Variants in CDCP1 observed in about 807,000 individuals in gnomAD.
The protein encoded by CDCP1 is CUB domain-containing protein 1.
Under a neutral mutation model 60.2 loss-of-function variants are expected in CDCP1, and 29 were observed. That is an observed-to-expected ratio of 0.48 (90% CI 0.36 to 0.66). The LOEUF is 0.66. Among genes scored for constraint, CDCP1 ranks in the 30% least tolerant of loss-of-function variants. CDCP1 has a pLI of 0.00. For missense variants in CDCP1, 876 were observed against 1,074.3 expected (o/e 0.82, Z 2.58); for synonymous variants, 387 against 431.1 (o/e 0.90, Z 1.27).
intron 1 of CDCP1, among the ~76,000 whole-genome samples, chr3:45,130,973 C>A (rs1699082121): frequency 6.6e-6 from 1 of 152,102 alleles, no homozygotes; most frequent in African/African-American, 2.4e-5. Flanking sequence ...CTCACGCAAT[C>A]CGCCCACCTC....
At chr3:45,100,703 T>C (rs1394825858) in intron 4 of CDCP1, among the ~76,000 whole-genome samples, 1 of 152,236 alleles carries the variant, frequency 6.6e-6, no homozygotes, top group Non-Finnish European at 1.5e-5. Context: ...TTTAAAATGC[T>C]TTAAAAATGT....
rs202246085 is a variant in CDCP1 at position 45,102,080 on chromosome 3, AT to A, written c.1025-6513del. 7.1e-3 allele frequency among the ~76,000 whole-genome samples: 1,067 copies of A among 150,658 alleles called. 10 individuals are homozygous for A. Among genetic ancestry groups the A allele is most frequent in the Middle Eastern group, 0.01 (3 of 294 alleles). ...AGGTAATACTGTTTTTATTATCTTC[AT>A]TTTTTTTTGAGATGGAGTCTTGCTC... On this transcript the variant is annotated intron_variant, in intron 4 of 8. Transcript: ENST00000296129.
At chr3:45,096,623 CAAAAAAAAAAA>C (rs5848726) in intron 4 of CDCP1, among the ~76,000 whole-genome samples, 1 of 53,184 alleles carries the variant, frequency 1.9e-5, no homozygotes, top group African/African-American at 7.2e-5. Flanking sequence ...GACTCCGTCT[CAAAAAAAAAAA>C]AAAAAAAAAA....
chr3:45,130,649 T>C (rs532626063), intron 1 of CDCP1, among the ~76,000 whole-genome samples: 4 of 152,326 alleles, frequency 2.6e-5, no homozygotes, highest in Admixed American at 6.5e-5. Flanking sequence ...TTACAACAAA[T>C]TGTTGTTTGC....
chr3:45,111,962 T>C (rs1698701424), intron 3 of CDCP1, 121 bp downstream of exon 3: 2 of 1,291,710 alleles, frequency 1.5e-6, no homozygotes, highest in Non-Finnish European at 2.1e-6. Flanking sequence ...GAGCTAGATC[T>C]TCCTTTATGG....
intron 2 of CDCP1, among the ~76,000 whole-genome samples, chr3:45,113,040 G>A (rs890338739): frequency 1.1e-4 from 16 of 152,184 alleles, no homozygotes; most frequent in Admixed American, 9.8e-4. Flanking sequence ...GGTCCAGTGG[G>A]TGAAGCCAGA....
At chr3:45,108,143 A>C (rs1158170113) in intron 4 of CDCP1, among the ~76,000 whole-genome samples, 1 of 151,960 alleles carries the variant, frequency 6.6e-6, no homozygotes, top group Non-Finnish European at 1.5e-5. Flanking sequence ...AGAAAAAAAA[A>C]GAATGGGTCA....
At chr3:45,124,335 A>G (rs1374565635) in intron 1 of CDCP1, among the ~76,000 whole-genome samples, 2 of 152,206 alleles carry the variant, frequency 1.3e-5, no homozygotes, top group Non-Finnish European at 2.9e-5. Context: ...AAATTTGTAG[A>G]CGAATTGGAA....
rs541018067 is a variant in CDCP1 at position 45,131,956 on chromosome 3, G to A, written c.83-13335C>T. On this transcript the variant is annotated intron_variant, in intron 1 of 8. Transcript: ENST00000296129. The stretch of plus-strand genomic sequence containing the variant: ...TGGCGATTAAGAGCCATGTAAGGCT[G>A]GGTGTGGTGGCTCATGCCTGTAATC... 6.6e-5 allele frequency among the ~76,000 whole-genome samples: 10 copies of A among 152,302 alleles called. No homozygotes were observed. In the East Asian group the frequency reaches 1.9e-3, roughly 29 times the overall value.
At chr3:45,139,665 A>G (rs1401451363) in intron 1 of CDCP1, 1 of 152,304 alleles carries the variant, frequency 6.6e-6, no homozygotes, top group Non-Finnish European at 1.5e-5. Flanking sequence ...GAGACTTGTC[A>G]GCAGGGCAGT....
chr3:45,106,612 T>C (rs1018508786), intron 4 of CDCP1, among the ~76,000 whole-genome samples: 1 of 152,166 alleles, frequency 6.6e-6, no homozygotes, highest in African/African-American at 2.4e-5. Flanking sequence ...GATTCCTGAC[T>C]GGGAGGAGTT....
intron 1 of CDCP1, among the ~76,000 whole-genome samples, chr3:45,137,275 A>C (rs1228925255): frequency 6.6e-6 from 1 of 152,148 alleles, no homozygotes; most frequent in Non-Finnish European, 1.5e-5. Context: ...TTTTCTCTCC[A>C]CATTCTAATG....
rs541737948 is a variant in CDCP1 at position 45,112,103 on chromosome 3, G to T, written c.635C>A (p.Ala212Glu). 6.2e-7 allele frequency: 1 copy of T among 1,613,846 alleles called. No homozygotes were observed. The highest frequency in any genetic ancestry group is 1.3e-5 in the African/African-American group (1 of 75,058). ...CTCACGTTTTATAGATGAGCGGTTTGCAATGCTGAAGCCGGAGACATTTCT... is the reference window on the plus strand; with the variant it reads ...CTCACGTTTTATAGATGAGCGGTTTTCAATGCTGAAGCCGGAGACATTTCT... ...HPRNVSGFSI[A>E]NRSSIKRLCI... is the part of the protein sequence containing the mutation. The change falls in exon 3 of 9, where the codon GCA becomes GAA. Residue 212 changes from alanine to glutamate, a missense_variant. Around this residue, in one of 2 missense-constraint regions of CDCP1, gnomAD observed 726 missense variants for 935.7 expected, o/e 0.78. Coordinates refer to ENST00000296129, the MANE Select transcript of CDCP1 (RefSeq NM_022842.5).
At chr3:45,121,193 T>C (rs1172511103) in intron 1 of CDCP1, among the ~76,000 whole-genome samples, 1 of 152,234 alleles carries the variant, frequency 6.6e-6, no homozygotes, top group Non-Finnish European at 1.5e-5. Context: ...GGACTATGCA[T>C]CTTTTAATTA....
intron 4 of CDCP1, among the ~76,000 whole-genome samples, chr3:45,100,398 G>T (rs1207751208): frequency 6.6e-6 from 1 of 152,224 alleles, no homozygotes; most frequent in African/African-American, 2.4e-5. Flanking sequence ...TTGTTTGGCT[G>T]CTTGTTGGCA....
chr3:45,126,116 T>TTCTTTCTC lies in CDCP1; in HGVS notation c.83-7496_83-7495insGAGAAAGA, dbSNP rs1553610981. ...CCATTCTTTGTCTCTCTCTCTTTCT[T>TTCTTTCTC]TCTTTCTTTCTTTCTTTCTTTCTTT... is the stretch of plus-strand genomic sequence containing the variant. On this transcript the variant is annotated intron_variant, in intron 1 of 8. Coordinates refer to ENST00000296129, the MANE Select transcript of CDCP1 (RefSeq NM_022842.5). Among the ~76,000 whole-genome samples, 279 of 95,536 alleles carry TTCTTTCTC rather than the reference T, an allele frequency of 2.9e-3. 8 individuals are homozygous for TTCTTTCTC. The East Asian group carries it at 0.055, about 19-fold the overall frequency. 62.7% of individuals were successfully genotyped at this position (95,536 alleles called of 152,430 possible). A position where few individuals can be genotyped will look rare whatever the true frequency, so the allele number is the denominator to read the frequency against.
At chr3:45,124,578 G>A (rs1256880076) in intron 1 of CDCP1, among the ~76,000 whole-genome samples, 2 of 152,284 alleles carry the variant, frequency 1.3e-5, no homozygotes. Context: ...ATGTGAGTCA[G>A]GTTCCACTTA....
chr3:45,138,693 A>G (rs1293703755), intron 1 of CDCP1, among the ~76,000 whole-genome samples: 1 of 152,170 alleles, frequency 6.6e-6, no homozygotes, highest in Non-Finnish European at 1.5e-5. Flanking sequence ...TACTAAAAAT[A>G]CAAAAATTAG....
chr3:45,140,383 T>C (rs1485210869), intron 1 of CDCP1, among the ~76,000 whole-genome samples: 8 of 152,240 alleles, frequency 5.3e-5, no homozygotes, highest in Admixed American at 5.2e-4. Flanking sequence ...GGTAGGATCA[T>C]TTGCACTTCA....
Sources: gnomAD v4.1 joint callset for allele counts (sites outside exome capture counted in the v4.1 genomes callset) on GRCh38, gnomAD v4.1.1 for gene constraint, gnomAD v4.1.1 regional missense constraint, MANE v1.5 for transcripts, NCBI Gene and HGNC (gene_info 2026-07-23, HGNC 2026-07-21) for gene names.